MARCHF6: variants seen among roughly 807,000 people sequenced by gnomAD.
The protein encoded by MARCHF6 is membrane associated ring-CH-type finger 6.
MARCHF6 carries 31 observed loss-of-function variants against 133.7 expected under a neutral mutation model. That is an observed-to-expected ratio of 0.23 (90% CI 0.17 to 0.31). The LOEUF (loss-of-function observed/expected upper bound fraction) is 0.31, where lower values mean the gene tolerates loss of function less well. MARCHF6 is among the 10% of genes least tolerant of loss of function. MARCHF6 has a pLI of 1.00. For missense variants in MARCHF6, 723 were observed against 1,121.6 expected, an observed-to-expected ratio of 0.64 and a Z score of 5.08; for synonymous variants, 395 against 402.5, an observed-to-expected ratio of 0.98 and a Z score of 0.22.
chr5:10,405,820 G>A, intron 16 of MARCHF6, 143 bp downstream of exon 16: 2 of 613,262 alleles, frequency 3.3e-6, no homozygotes, highest in Non-Finnish European at 5.0e-6. Context: ...GTATTCAGTT[G>A]TCAAGTAGCT....
At chr5:10,401,917 C>T in intron 11 of MARCHF6, 142 bp from the exon 12 acceptor site, 1 of 607,036 alleles carries the variant, frequency 1.6e-6, no homozygotes, top group Non-Finnish European at 3.0e-6. Context: ...AGATGTCATC[C>T]AAAGCAGATT....
intron 19 of MARCHF6, among the ~76,000 whole-genome samples, chr5:10,413,953 TTAAA>T (rs1213116662): frequency 7.9e-5 from 12 of 152,322 alleles, no homozygotes; most frequent in South Asian, 2.1e-4. Flanking sequence ...TTAATTAAAA[TTAAA>T]TAAAGTTAAA....
intron 2 of MARCHF6, 116 bp downstream of exon 2, chr5:10,378,010 A>G: frequency 1.6e-6 from 1 of 638,010 alleles, no homozygotes; most frequent in African/African-American, 1.8e-5. Context: ...GTTTTATTGT[A>G]TTTTCCTGAG....
intron 4 of MARCHF6, among the ~76,000 whole-genome samples, chr5:10,383,637 C>T (rs1198732909): frequency 2.0e-5 from 3 of 152,122 alleles, no homozygotes; most frequent in African/African-American, 7.2e-5. Flanking sequence ...ACAGATGTTT[C>T]AATGGATGTG....
At chr5:10,407,365 A>C (rs1444422261) in intron 17 of MARCHF6, among the ~76,000 whole-genome samples, 163 bp downstream of exon 17, 1 of 152,106 alleles carries the variant, frequency 6.6e-6, no homozygotes, top group African/African-American at 2.4e-5. Context: ...TTTTAAATTA[A>C]ATTTAATGTT....
intron 10 of MARCHF6, among the ~76,000 whole-genome samples, chr5:10,398,867 G>A (rs1250424080): frequency 6.6e-6 from 1 of 152,024 alleles, no homozygotes; most frequent in Admixed American, 6.6e-5. Context: ...CTTCCATTAG[G>A]AACATACTTT....
chr5:10,367,243 T>A (rs1736191759), intron 1 of MARCHF6, among the ~76,000 whole-genome samples: 1 of 152,136 alleles, frequency 6.6e-6, no homozygotes, highest in African/African-American at 2.4e-5. Context: ...AAAAGGGACG[T>A]TAGGTAAAGA....
At chr5:10,359,662 C>T (rs574525421) in intron 1 of MARCHF6, among the ~76,000 whole-genome samples, 34 of 152,220 alleles carry the variant, frequency 2.2e-4, no homozygotes, top group Non-Finnish European at 4.0e-4. Flanking sequence ...GTGATGTTCA[C>T]AGATCTGTAC....
At chr5:10,359,818 A>G (rs372663533) in intron 1 of MARCHF6, among the ~76,000 whole-genome samples, 2 of 152,200 alleles carry the variant, frequency 1.3e-5, no homozygotes, top group African/African-American at 2.4e-5. Flanking sequence ...CAGCCTGGAC[A>G]ACATGGCGAA....
At chr5:10,417,239 T>C (rs1367584964) in intron 21 of MARCHF6, 31 bp from the exon 22 acceptor site, 1 of 1,592,756 alleles carries the variant, frequency 6.3e-7, no homozygotes, top group Non-Finnish European at 8.5e-7. Flanking sequence ...AAAGATCCTC[T>C]TTAATGATGT....
chr5:10,378,169 G>A (rs1335077361), intron 2 of MARCHF6, among the ~76,000 whole-genome samples: 3 of 152,128 alleles, frequency 2.0e-5, no homozygotes, highest in African/African-American at 7.2e-5. Flanking sequence ...ACCATGGAGA[G>A]CTTATTTTGT....
chr5:10,420,004 A>T (rs751411398), intron 22 of MARCHF6, among the ~76,000 whole-genome samples: 5 of 152,104 alleles, frequency 3.3e-5, no homozygotes, highest in African/African-American at 4.8e-5. Context: ...CAGGCTGATA[A>T]TACCCTAACC....
At position 10,415,158 on chromosome 5, in the gene MARCHF6, A is replaced by G. The variant is rs1006508244; in HGVS notation, c.1967-330A>G. 2.0e-5 allele frequency among the ~76,000 whole-genome samples: 3 copies of G among 152,232 alleles called. No individual in the cohort carries two copies. The East Asian group carries it at 5.8e-4, about 29-fold the overall frequency. ...CCACTTTTGTCCTATTATTTGCATA[A>G]CAGTTTCATTTGGTGATAAAAACAA... On this transcript the variant is annotated intron_variant, in intron 20 of 25. Coordinates refer to ENST00000274140, the MANE Select transcript of MARCHF6 (RefSeq NM_005885.4).
chr5:10,395,200 A>G (rs1738118484), intron 9 of MARCHF6, among the ~76,000 whole-genome samples: 1 of 152,204 alleles, frequency 6.6e-6, no homozygotes, highest in Non-Finnish European at 1.5e-5. Flanking sequence ...TTGGCTTTTA[A>G]TTACTTTATA....
intron 22 of MARCHF6, 148 bp downstream of exon 22, chr5:10,417,552 C>A: frequency 1.0e-6 from 1 of 968,972 alleles, no homozygotes; most frequent in Non-Finnish European, 1.6e-6. Context: ...TCGAGACCAG[C>A]CTGGGCAGCA....
intron 2 of MARCHF6, 77 bp from the exon 3 acceptor site, chr5:10,378,682 A>G (rs1020389515): frequency 1.1e-6 from 1 of 925,582 alleles, no homozygotes; most frequent in Non-Finnish European, 1.7e-6. Flanking sequence ...CATTTTTAAT[A>G]AAAACAATGT....
intron 1 of MARCHF6, among the ~76,000 whole-genome samples, chr5:10,377,163 T>A (rs1439831283): frequency 6.6e-6 from 1 of 152,060 alleles, no homozygotes; most frequent in Non-Finnish European, 1.5e-5. Flanking sequence ...TGGGCTGCGG[T>A]CCAAGGACCC....
chr5:10,379,675 A>T (rs1485610386), intron 3 of MARCHF6, among the ~76,000 whole-genome samples: 2 of 152,078 alleles, frequency 1.3e-5, no homozygotes, highest in African/African-American at 2.4e-5. Context: ...GTTAGCCAGG[A>T]TGGTCTCGAT....
chr5:10,364,175 A>G (rs1015600607), intron 1 of MARCHF6, among the ~76,000 whole-genome samples: 8 of 152,216 alleles, frequency 5.3e-5, no homozygotes, highest in Non-Finnish European at 8.8e-5. Context: ...TGGTAATAGA[A>G]TGACTGACCG....
Sources: gnomAD v4.1 joint callset for allele counts (sites outside exome capture counted in the v4.1 genomes callset) on GRCh38, gnomAD v4.1.1 for gene constraint, MANE v1.5 for transcripts, NCBI Gene and HGNC (gene_info 2026-07-23, HGNC 2026-07-21) for gene names.